CCAR1: variants seen among roughly 807,000 people sequenced by gnomAD.
CCAR1 encodes the protein cell division cycle and apoptosis regulator protein 1.
In CCAR1, 78 loss-of-function variants were observed where a neutral mutation model predicts 163.8. That is an observed-to-expected ratio of 0.48 (90% CI 0.40 to 0.57). The LOEUF (loss-of-function observed/expected upper bound fraction) is 0.57, where lower values mean the gene tolerates loss of function less well. Among genes scored for constraint, CCAR1 ranks in the 20% least tolerant of loss-of-function variants. The pLI, the probability that CCAR1 is intolerant of heterozygous loss-of-function variation, is 0.00. For synonymous variants in CCAR1, 443 were observed against 460.7 expected (o/e 0.96, Z 0.49); for missense variants, 1,019 against 1,365.2 (o/e 0.75, Z 4.00).
intron 8 of CCAR1, 51 bp downstream of exon 8, chr10:68,747,617 A>G (rs368798069): frequency 5.3e-5 from 80 of 1,498,752 alleles, no homozygotes; most frequent in Non-Finnish European, 6.4e-5. Flanking sequence ...GTTGTTGATA[A>G]TGTAACTATG....
rs1318733698 is a variant in CCAR1, at chr10:68,742,401, T to A, written c.350T>A (p.Leu117His). The change falls in exon 6 of 25, where the codon CTT becomes CAT. Residue 117 changes from leucine to histidine, a missense_variant. Transcript: ENST00000265872. ...TQPAVALPTS[L>H]SLSTPQPTAQ... ...CCAGCTGTTGCACTGCCTACAAGCC[T>A]TAGCCTGTCTACTCCTCAGCCAACA... The A allele has an allele frequency of 3.7e-6, 6 of 1,613,858 alleles. No homozygotes were observed. The highest frequency in any genetic ancestry group is 5.1e-6 in the Non-Finnish European group (6 of 1,179,904).
intron 16 of CCAR1, among the ~76,000 whole-genome samples, chr10:68,765,532 T>G (rs1307750680): frequency 1.3e-5 from 2 of 152,102 alleles, no homozygotes; most frequent in African/African-American, 4.8e-5. Context: ...CTATATTGCT[T>G]TGTCTTTTTA....
chr10:68,742,638 G>C (rs2056197214), intron 6 of CCAR1, 69 bp downstream of exon 6: 1 of 1,208,554 alleles, frequency 8.3e-7, no homozygotes, highest in East Asian at 2.3e-5. Context: ...AGTTGTGGCA[G>C]AAATTGTATG....
At chr10:68,781,680 C>T (rs1165591054) in intron 19 of CCAR1, among the ~76,000 whole-genome samples, 3 of 151,976 alleles carry the variant, frequency 2.0e-5, no homozygotes, top group African/African-American at 7.2e-5. Context: ...CATAGTGATA[C>T]CCCATCTCTA....
chr10:68,779,053 C>T (rs1391962372), intron 19 of CCAR1, among the ~76,000 whole-genome samples: 1 of 152,120 alleles, frequency 6.6e-6, no homozygotes, highest in Non-Finnish European at 1.5e-5. Flanking sequence ...TCATATTGGC[C>T]AGGCTGGTTT....
intron 2 of CCAR1, among the ~76,000 whole-genome samples, chr10:68,729,815 G>A (rs1041142098): frequency 1.6e-4 from 24 of 152,196 alleles, no homozygotes; most frequent in Admixed American, 6.6e-5. Context: ...GCCTAGGCTG[G>A]ATTTGAACTC....
intron 24 of CCAR1, among the ~76,000 whole-genome samples, chr10:68,790,175 G>A (rs1224522399): frequency 3.3e-5 from 5 of 151,996 alleles, no homozygotes; most frequent in South Asian, 2.1e-4. Context: ...CCAACGTGGT[G>A]AAACCCCATG....
At chr10:68,774,951 G>A (rs1456091849) in intron 19 of CCAR1, 9 of 382,356 alleles carry the variant, frequency 2.4e-5, no homozygotes, top group African/African-American at 4.5e-5. Context: ...TTTTTTTACA[G>A]TTTGTGTCTC....
chr10:68,758,221 A>AT (rs1205008026), intron 15 of CCAR1, among the ~76,000 whole-genome samples: 3 of 151,878 alleles, frequency 2.0e-5, no homozygotes, highest in African/African-American at 7.2e-5. Context: ...TGCCAGGCTA[A>AT]TTTCTGTATT....
chr10:68,740,764 A>G (rs2056172143), intron 5 of CCAR1, 103 bp downstream of exon 5: 2 of 845,890 alleles, frequency 2.4e-6, no homozygotes, highest in African/African-American at 3.4e-5. Flanking sequence ...TACTTGTTAG[A>G]TTCACCTAAT....
rs781287028 is a variant in CCAR1, at chr10:68,749,254, A to G, written c.945A>G (p.Lys315=). The change falls in exon 9 of 25, where the codon AAA becomes AAG. Residue 315 remains lysine, a synonymous_variant. Coordinates refer to ENST00000265872, the MANE Select transcript of CCAR1 (RefSeq NM_018237.4). ...GAGGGGATCAAGTGCCTAACAGAAA[A>G]GATGATCGAAGGTATATTTTCTAAA... ...NDRGDQVPNR[K]DDRSRERERE... is the part of the protein sequence containing the mutation. 2 of 1,608,108 alleles carry G rather than the reference A, an allele frequency of 1.2e-6. No homozygotes were observed. Among genetic ancestry groups the G allele is most frequent in the Non-Finnish European group, 1.7e-6 (2 of 1,178,470 alleles).
intron 2 of CCAR1, among the ~76,000 whole-genome samples, chr10:68,732,427 G>A (rs924139574): frequency 3.3e-5 from 5 of 152,042 alleles, no homozygotes; most frequent in East Asian, 1.9e-4. Context: ...TCAGCTCACC[G>A]CAACCTCTGC....
intron 17 of CCAR1, among the ~76,000 whole-genome samples, chr10:68,766,736 C>T (rs1430157157): frequency 6.7e-6 from 1 of 149,216 alleles, no homozygotes; most frequent in Non-Finnish European, 1.5e-5. Context: ...ATGTTGGTCA[C>T]GCTGGTCTCG....
chr10:68,749,995 G>C lies in CCAR1; in HGVS notation c.1118+310G>C, dbSNP rs142257169. ...ACTGATAACTTGAAGATCATGTATA[G>C]TCCATTGTGTATGATAAAGCAATAA... On this transcript the variant is annotated intron_variant, in intron 10 of 24. Coordinates refer to ENST00000265872, the MANE Select transcript of CCAR1 (RefSeq NM_018237.4). 2.9e-3 allele frequency among the ~76,000 whole-genome samples: 438 copies of C among 152,150 alleles called. 7 individuals are homozygous for C. The highest frequency in any genetic ancestry group is 9.9e-3 in the African/African-American group (412 of 41,498).
At chr10:68,739,562 A>G (rs1366259556) in intron 4 of CCAR1, among the ~76,000 whole-genome samples, 1 of 152,146 alleles carries the variant, frequency 6.6e-6, no homozygotes, top group Non-Finnish European at 1.5e-5. Context: ...GAAGCATTGC[A>G]TTTTCCCAGA....
rs1408046847 is a variant in CCAR1 at position 68,781,292 on chromosome 10, C to T, written c.2651-4844C>T. On this transcript the variant is annotated intron_variant, in intron 19 of 24. Transcript: ENST00000265872. Reference sequence around the variant, plus strand: ...GTGCGGTGGCTCATACCTGTAATCCCGGCACTTTGGGAGGCTGAGGTGGGC... The same window carrying T: ...GTGCGGTGGCTCATACCTGTAATCCTGGCACTTTGGGAGGCTGAGGTGGGC... Among the ~76,000 whole-genome samples the T allele has an allele frequency of 5.3e-5, 8 of 152,054 alleles. No individual in the cohort carries two copies. In the South Asian group the frequency reaches 1.0e-3, roughly 20 times the overall value.
intron 15 of CCAR1, chr10:68,759,495 A>T (rs2056441525): frequency 6.5e-6 from 1 of 153,284 alleles, no homozygotes; most frequent in Non-Finnish European, 1.5e-5. Context: ...TTGGAGGCCC[A>T]GATGGGCAGA....
intron 15 of CCAR1, among the ~76,000 whole-genome samples, chr10:68,757,832 C>G (rs2056414812): frequency 1.3e-5 from 1 of 79,274 alleles, no homozygotes; most frequent in Non-Finnish European, 3.2e-5. Flanking sequence ...ACTTTGAGAA[C>G]TAAGAAGGTA....
chr10:68,765,909 G>C lies in CCAR1; in HGVS notation c.2128G>C (p.Glu710Gln), dbSNP rs1460513804. 1 of 1,612,892 alleles carries C rather than the reference G, an allele frequency of 6.2e-7. No individual in the cohort carries two copies. The highest frequency in any genetic ancestry group is 1.3e-5 in the African/African-American group (1 of 75,002). ...DKEEEERKRQ[E>Q]EIERQRRERR... is the part of the protein sequence containing the mutation. The stretch of plus-strand genomic sequence containing the variant: ...TTAGGAAGAAGAAAGGAAACGTCAA[G>C]AGGAAATAGAACGCCAGCGTCGAGA... Residue 710 changes from glutamate to glutamine, a missense_variant, in exon 17 of 25, where the codon GAG becomes CAG. By Grantham distance (29) the Glu-to-Gln change is conservative. Coordinates refer to ENST00000265872, the MANE Select transcript of CCAR1 (RefSeq NM_018237.4).
Sources: allele counts gnomAD v4.1 joint callset (sites outside exome capture counted in the v4.1 genomes callset), GRCh38; gene constraint gnomAD v4.1.1; transcripts MANE v1.5; gene names NCBI Gene and HGNC (gene_info 2026-07-23, HGNC 2026-07-21).